The following CUL4A variants were observed in gnomAD, a reference collection of about 807,000 sequenced individuals.
CUL4A encodes cullin-4A.
Under a neutral mutation model 95.5 loss-of-function variants are expected in CUL4A, and 16 were observed. The observed-to-expected ratio is 0.17, with a 90% CI of 0.11 to 0.25. The LOEUF (loss-of-function observed/expected upper bound fraction) is 0.25. Among genes scored for constraint, CUL4A ranks in the 10% least tolerant of loss-of-function variants. CUL4A has a pLI of 1.00. For synonymous variants in CUL4A, 380 were observed against 353.1 expected (o/e 1.08, Z -0.85); for missense variants, 610 against 937.0 (o/e 0.65, Z 4.56).
chr13:113,213,486 A>ATC (rs1025170788), intron 2 of CUL4A, among the ~76,000 whole-genome samples: 3 of 20,220 alleles, frequency 1.5e-4, no homozygotes, highest in Non-Finnish European at 7.4e-3. Flanking sequence ...CTTGACTAGA[A>ATC]ACGAGTCCCA....
At chr13:113,260,236 T>C (rs1199987704) in intron 18 of CUL4A, among the ~76,000 whole-genome samples, 1 of 71,416 alleles carries the variant, frequency 1.4e-5, no homozygotes, top group Non-Finnish European at 2.8e-5. Flanking sequence ...CCCATCAAAT[T>C]CGGTAACATC....
At chr13:113,214,416 CTG>C (rs1172855209) in intron 2 of CUL4A, among the ~76,000 whole-genome samples, 1 of 152,154 alleles carries the variant, frequency 6.6e-6, no homozygotes, top group Admixed American at 6.5e-5. Flanking sequence ...CAACAGAAAA[CTG>C]AAGACTGCAT....
At chr13:113,232,158 C>CCCACCACCATTACTGT (rs1281167958) in intron 5 of CUL4A, among the ~76,000 whole-genome samples, 4 of 25,068 alleles carry the variant, frequency 1.6e-4, no homozygotes, top group Admixed American at 9.9e-4. Context: ...ATTACTGCTG[C>CCCACCACCATTACTGT]CACCACTACC....
chr13:113,228,135 A>T (rs2041175156), intron 4 of CUL4A, 90 bp downstream of exon 4: 1 of 1,016,486 alleles, frequency 9.8e-7, no homozygotes, highest in Non-Finnish European at 1.5e-6. Flanking sequence ...AGTTCTGTTG[A>T]GGATTCTGTC....
chr13:113,261,012 G>A (rs1471019002), intron 19 of CUL4A, among the ~76,000 whole-genome samples: 1 of 152,184 alleles, frequency 6.6e-6, no homozygotes, highest in African/African-American at 2.4e-5. Context: ...TTCAGGAAGG[G>A]AAGAGGTAGA....
At chr13:113,229,247 A>G (rs957651859) in intron 4 of CUL4A, among the ~76,000 whole-genome samples, 199 bp from the exon 5 acceptor site, 7 of 152,236 alleles carry the variant, frequency 4.6e-5, no homozygotes, top group Non-Finnish European at 7.3e-5. Flanking sequence ...CTACAGTCAG[A>G]TTTACAATAT....
In CUL4A at chr13:113,229,371, G is replaced by A. The variant is rs554299960; in HGVS notation, c.439-75G>A. 1.2e-4 allele frequency: 140 copies of A among 1,190,104 alleles called. 2 individuals are homozygous for A. Among genetic ancestry groups the A allele is most frequent in the South Asian group, 9.8e-4 (78 of 79,660 alleles). The allele number at this position is 1,190,104 out of a possible 1,614,324, so 73.7% of individuals were successfully genotyped here. A position where few individuals can be genotyped will look rare whatever the true frequency, so the allele number is the denominator to read the frequency against. ...CTGTTGGATTTGAGACAGCTAGCAT[G>A]GAGTTAAAAGGCCTGATCTTTCATA... On this transcript the variant is annotated intron_variant, in intron 4 of 19. Transcript: ENST00000375440.
intron 6 of CUL4A, 61 bp downstream of exon 6, chr13:113,233,400 A>G (rs1015029887): frequency 4.1e-6 from 6 of 1,452,042 alleles, no homozygotes; most frequent in Admixed American, 1.9e-5. Context: ...ACCAGAATAA[A>G]TGGTTGTACC....
intron 4 of CUL4A, 22 bp from the exon 5 acceptor site, chr13:113,229,424 G>A (rs180741517): frequency 6.2e-7 from 1 of 1,608,614 alleles, no homozygotes; most frequent in South Asian, 1.1e-5. Context: ...ATAAGTAAAT[G>A]GTTCTCCTTT....
intron 15 of CUL4A, among the ~76,000 whole-genome samples, chr13:113,248,696 G>C (rs563199189): frequency 5.3e-5 from 8 of 152,250 alleles, no homozygotes; most frequent in African/African-American, 1.9e-4. Flanking sequence ...ATAAGTGTGA[G>C]ATCTTAGATA....
At chr13:113,208,805 A>AGGGGGCCCGGGGTCTTTCTGCC, upstream of CUL4A, 2 of 1,412,658 alleles carry the variant, frequency 1.4e-6, no homozygotes, top group East Asian at 5.5e-5. Context: ...GCTCGGGCTG[A>AGGGGGCCCGGGGTCTTTCTGCC]GGGGGCCCGG....
At chr13:113,210,700 C>T (rs1450571520) in intron 2 of CUL4A, among the ~76,000 whole-genome samples, 1 of 152,122 alleles carries the variant, frequency 6.6e-6, no homozygotes, top group Non-Finnish European at 1.5e-5. Context: ...CTGGTGTCTT[C>T]TTTTTGTAAA....
At chr13:113,225,097 G>T (rs971335432) in intron 3 of CUL4A, among the ~76,000 whole-genome samples, 2 of 151,922 alleles carry the variant, frequency 1.3e-5, no homozygotes, top group Admixed American at 1.3e-4. Flanking sequence ...AAGCATTTCT[G>T]CTGTTGGATT....
chr13:113,233,061 A>T, intron 5 of CUL4A, 116 bp from the exon 6 acceptor site: 2 of 1,083,264 alleles, frequency 1.8e-6, no homozygotes, highest in Non-Finnish European at 2.6e-6. Flanking sequence ...ACCTAGATGT[A>T]GAGAATTAGC....
rs370367412 is a variant in CUL4A at position 113,243,975 on chromosome 13, G to A, written c.1229-435G>A. 3.9e-5 allele frequency among the ~76,000 whole-genome samples: 6 copies of A among 152,276 alleles called. No homozygotes were observed. In the East Asian group the frequency reaches 5.8e-4, roughly 15 times the overall value. ...GTGCAGCCTCAGAAACAGGAAGCCC[G>A]AGTAGAAATGCTTTCACCCTGCGTT... On this transcript the variant is annotated intron_variant, in intron 11 of 19. Coordinates refer to ENST00000375440, the MANE Select transcript of CUL4A (RefSeq NM_001008895.4).
In CUL4A at chr13:113,239,511, G is replaced by T; in HGVS notation, c.995G>T (p.Gly332Val). The T allele has an allele frequency of 6.2e-7, 1 of 1,613,606 alleles. No homozygotes were observed. Among genetic ancestry groups the T allele is most frequent in the Non-Finnish European group, 8.5e-7 (1 of 1,179,836 alleles). Residue 332 changes from glycine (G) to valine (V), a missense_variant, in exon 10 of 20, where the codon GGG (glycine) becomes GTG (valine). By Grantham distance (109) the Gly-to-Val change is moderately radical (BLOSUM62 -3). This residue lies in a region of CUL4A where 153 missense variants were observed against 244.5 expected (regional missense o/e 0.63). Transcript: ENST00000375440. Reference protein sequence around the residue: ...MYQLFSRVRGGQQALLQHWSE... With the variant: ...MYQLFSRVRGVQQALLQHWSE... ...CAGCTGTTCAGCCGGGTGAGGGGCG[G>T]GCAGCAGGCGCTGCTGCAGCACTGG...
intron 7 of CUL4A, among the ~76,000 whole-genome samples, chr13:113,234,424 G>A (rs1365601732): frequency 1.3e-5 from 2 of 152,112 alleles, no homozygotes; most frequent in Non-Finnish European, 2.9e-5. Context: ...AGATACCAGA[G>A]CAAAATCATA....
chr13:113,226,965 T>C (rs1177402772), intron 3 of CUL4A, among the ~76,000 whole-genome samples: 1 of 152,202 alleles, frequency 6.6e-6, no homozygotes, highest in Non-Finnish European at 1.5e-5. Context: ...TGGGGCCTTT[T>C]GTCCCGCCAC....
In CUL4A at chr13:113,209,931, C is replaced by T. The variant is rs1227137345; in HGVS notation, c.149-42C>T. The T allele has an allele frequency of 2.9e-5, 41 of 1,417,882 alleles. No individual in the cohort carries two copies. The East Asian group carries it at 1.2e-3, about 41-fold the overall frequency. The allele number at this position is 1,417,882 out of a possible 1,614,324, so 87.8% of individuals were successfully genotyped here. A position where few individuals can be genotyped will look rare whatever the true frequency, so the allele number is the denominator to read the frequency against. ...TCGGGGGTGGCTACGCGGGGCGCTT[C>T]GCGGCGCGCCCTGAGCCGCCCGCTC... On this transcript the variant is annotated intron_variant, in intron 1 of 19. Transcript: ENST00000375440.
Sources: allele counts gnomAD v4.1 joint callset (sites outside exome capture counted in the v4.1 genomes callset), GRCh38; gene constraint gnomAD v4.1.1; regional missense constraint gnomAD v4.1.1; transcripts MANE v1.5; gene names NCBI Gene and HGNC (gene_info 2026-07-23, HGNC 2026-07-21).